RPS6KC1: variants seen among roughly 807,000 people sequenced by gnomAD.
The protein encoded by RPS6KC1 is ribosomal protein S6 kinase C1.
Under a neutral mutation model 103.8 loss-of-function variants are expected in RPS6KC1, and 54 were observed. The ratio of observed to expected loss-of-function variants is 0.52; its 90% CI spans 0.42 to 0.65. RPS6KC1 has a LOEUF of 0.65. RPS6KC1 is among the 30% of genes least tolerant of loss of function. The pLI is 0.00. For missense variants in RPS6KC1, 1,151 were observed against 1,253.8 expected, an observed-to-expected ratio of 0.92 and a Z score of 1.24; for synonymous variants, 439 against 438.7, an observed-to-expected ratio of 1.00 and a Z score of -0.01.
the RPS6KC1 span, among the ~76,000 whole-genome samples, chr1:213,386,586 T>TC: frequency 3.9e-5 from 6 of 152,206 alleles, no homozygotes; most frequent in Non-Finnish European, 7.3e-5. Flanking sequence ...TTGCAGGTCT[T>TC]CCATCTACAT....
the RPS6KC1 span, among the ~76,000 whole-genome samples, chr1:213,793,630 G>A: frequency 2.0e-5 from 3 of 152,148 alleles, no homozygotes; most frequent in Non-Finnish European, 4.4e-5. Flanking sequence ...ACAGACCAAA[G>A]TGCTCCAAGC....
At chr1:213,276,375 G>T (rs969876034), downstream of RPS6KC1, among the ~76,000 whole-genome samples, 1 of 152,138 alleles carries the variant, frequency 6.6e-6, no homozygotes, top group Non-Finnish European at 1.5e-5. Flanking sequence ...AATGGTTTGG[G>T]CAGTGGAGCC....
At chr1:213,853,113 TG>T in the RPS6KC1 span, among the ~76,000 whole-genome samples, 6 of 152,212 alleles carry the variant, frequency 3.9e-5, 1 homozygote, top group African/African-American at 7.2e-5. Context: ...ATCTATGCTC[TG>T]CCAGTAAGTC....
chr1:213,756,846 G>C, the RPS6KC1 span, among the ~76,000 whole-genome samples: 1 of 152,110 alleles, frequency 6.6e-6, no homozygotes, highest in African/African-American at 2.4e-5. Flanking sequence ...CTGACCTCAA[G>C]CAATCTGCCT....
At chr1:213,207,104 C>A (rs2093371606) in intron 8 of RPS6KC1, among the ~76,000 whole-genome samples, 1 of 152,004 alleles carries the variant, frequency 6.6e-6, no homozygotes, top group Admixed American at 6.6e-5. Context: ...GTGAGACTCA[C>A]TATATGTATA....
chr1:213,762,420 T>G, the RPS6KC1 span, among the ~76,000 whole-genome samples: 2 of 152,186 alleles, frequency 1.3e-5, no homozygotes, highest in African/African-American at 4.8e-5. Context: ...TGGGTTCCCA[T>G]AAATGTTGTT....
chr1:213,373,948 A>G, the RPS6KC1 span, among the ~76,000 whole-genome samples: 4 of 152,140 alleles, frequency 2.6e-5, no homozygotes, highest in East Asian at 5.8e-4. Context: ...TATCCTTTGA[A>G]GGCTCCTGCT....
At chr1:213,078,621 C>A (rs2079570665) in intron 3 of RPS6KC1, among the ~76,000 whole-genome samples, 1 of 152,130 alleles carries the variant, frequency 6.6e-6, no homozygotes, top group African/African-American at 2.4e-5. Context: ...AGGCTGGTCT[C>A]AAACTACTGA....
chr1:213,650,541 A>G, the RPS6KC1 span, among the ~76,000 whole-genome samples: 1 of 152,146 alleles, frequency 6.6e-6, no homozygotes, highest in Non-Finnish European at 1.5e-5. Context: ...CTCACCTTTC[A>G]GCATTTGCAT....
chr1:213,632,117 C>A, the RPS6KC1 span, among the ~76,000 whole-genome samples: 1 of 152,192 alleles, frequency 6.6e-6, no homozygotes, highest in African/African-American at 2.4e-5. Flanking sequence ...TAGTAATATT[C>A]CACCATACAC....
chr1:213,148,879 G>A (rs1204815650), intron 6 of RPS6KC1, among the ~76,000 whole-genome samples: 1 of 152,002 alleles, frequency 6.6e-6, no homozygotes, highest in Admixed American at 6.5e-5. Context: ...TTCAGGTTCT[G>A]TGTTTTTTCC....
intron 8 of RPS6KC1, among the ~76,000 whole-genome samples, chr1:213,204,147 GCA>G (rs1234070512): frequency 6.6e-6 from 1 of 152,176 alleles, no homozygotes; most frequent in Non-Finnish European, 1.5e-5. Flanking sequence ...CTCTTGTAGA[GCA>G]CAGACCCTAT....
chr1:213,678,541 G>A, the RPS6KC1 span, among the ~76,000 whole-genome samples: 3 of 152,214 alleles, frequency 2.0e-5, no homozygotes, highest in Non-Finnish European at 2.9e-5. Flanking sequence ...AGCTAGGCAT[G>A]TGCCCCAAAG....
chr1:213,203,667 T>G (rs1040694151), intron 8 of RPS6KC1, among the ~76,000 whole-genome samples: 11 of 152,250 alleles, frequency 7.2e-5, no homozygotes, highest in African/African-American at 9.6e-5. Flanking sequence ...ACATGTTCAT[T>G]ATAGAAAAAT....
At chr1:213,459,494 A>G in the RPS6KC1 span, among the ~76,000 whole-genome samples, 1 of 151,540 alleles carries the variant, frequency 6.6e-6, no homozygotes, top group East Asian at 1.9e-4. Flanking sequence ...CTTCTATATT[A>G]GTTTGGCTAG....
At chr1:213,294,569 A>T in the RPS6KC1 span, among the ~76,000 whole-genome samples, 803 of 152,262 alleles carry the variant, frequency 5.3e-3, 4 homozygotes, top group African/African-American at 0.018. Flanking sequence ...ACAGTCAGTG[A>T]CTGTGGGACA....
chr1:213,207,980 C>G lies in RPS6KC1; in HGVS notation c.1045-22517C>G, dbSNP rs116704122. The stretch of plus-strand genomic sequence containing the variant: ...GAGCCACCGTACCCGGTCTTGAATA[C>G]CTTTTCTTCTGCTAATCTGTCTATT... On this transcript the variant is annotated intron_variant, in intron 8 of 14. Transcript: ENST00000366960. Among the ~76,000 whole-genome samples the G allele has an allele frequency of 3.3e-3, 495 of 152,258 alleles. 5 individuals are homozygous for G. Among genetic ancestry groups the G allele is most frequent in the African/African-American group, 0.011 (470 of 41,564 alleles).
At chr1:213,126,744 A>G (rs755902631) in intron 5 of RPS6KC1, among the ~76,000 whole-genome samples, 2 of 152,200 alleles carry the variant, frequency 1.3e-5, no homozygotes, top group Non-Finnish European at 2.9e-5. Flanking sequence ...TTCACACTTC[A>G]ATGTCTGTAA....
chr1:213,173,348 A>G (rs899731128), intron 7 of RPS6KC1, among the ~76,000 whole-genome samples: 11 of 152,152 alleles, frequency 7.2e-5, no homozygotes, highest in African/African-American at 2.7e-4. Context: ...TTGTCCTTCA[A>G]TTTCCCCATT....
Sources: gnomAD v4.1 joint callset for allele counts (sites outside exome capture counted in the v4.1 genomes callset) on GRCh38, gnomAD v4.1.1 for gene constraint, MANE v1.5 for transcripts, NCBI Gene and HGNC (gene_info 2026-07-23, HGNC 2026-07-21) for gene names.